ARHGAP39: variants seen among roughly 807,000 people sequenced by gnomAD.
ARHGAP39 encodes rho GTPase-activating protein 39.
Under a neutral mutation model 106.9 loss-of-function variants are expected in ARHGAP39, and 44 were observed. That is an observed-to-expected ratio of 0.41 (90% CI 0.32 to 0.53). ARHGAP39 has a LOEUF of 0.53. Among genes scored for constraint, ARHGAP39 ranks in the 20% least tolerant of loss-of-function variants. The pLI is 0.21. For missense variants in ARHGAP39, 1,496 were observed against 1,577.3 expected (o/e 0.95, Z 0.87); for synonymous variants, 768 against 693.2 (o/e 1.11, Z -1.69).
At chr8:144,649,326 T>G (rs1387443324) in intron 1 of ARHGAP39, among the ~76,000 whole-genome samples, 2 of 151,720 alleles carry the variant, frequency 1.3e-5, no homozygotes, top group Non-Finnish European at 2.9e-5. Flanking sequence ...GGCGGGCGCC[T>G]GTAGTCCCAG....
chr8:144,698,019 G>T, the ARHGAP39 span, among the ~76,000 whole-genome samples: 3 of 152,292 alleles, frequency 2.0e-5, no homozygotes, highest in East Asian at 5.8e-4. Context: ...GCTTCGCTAT[G>T]GTTTGGGTGT....
chr8:144,545,923 G>A, intron 5 of ARHGAP39, 113 bp from the exon 6 acceptor site: 1 of 900,688 alleles, frequency 1.1e-6, no homozygotes, highest in Non-Finnish European at 1.6e-6. Flanking sequence ...GAGCCAGCCA[G>A]GTGAGAGCCC....
In ARHGAP39 at chr8:144,529,336, A is replaced by C. The variant is rs1186453362; in HGVS notation, c.*1086T>G. ...GGGCTGGGGCTTTTGTTTTTAATAA[A>C]TAAAAACGGAACTCTAAAAAATATA... On this transcript the variant is annotated 3_prime_UTR_variant, in exon 12 of 12. Coordinates refer to ENST00000377307, the MANE Select transcript of ARHGAP39 (RefSeq NM_025251.3). The C allele has an allele frequency of 1.9e-5, 3 of 158,766 alleles. No homozygotes were observed. 9.8% of individuals were successfully genotyped at this position (158,766 alleles called of 1,614,324 possible). A position where few individuals can be genotyped will look rare whatever the true frequency, so the allele number is the denominator to read the frequency against.
In ARHGAP39 at chr8:144,647,379, G is replaced by A. The variant is rs910572315; in HGVS notation, c.-82+38307C>T. ...ACTGCTGTGTCAAGGTGGCATCCCT[G>A]TTCTCACCCTCACTGTGCAGAGTCC... On this transcript the variant is annotated intron_variant, in intron 1 of 11. Coordinates refer to ENST00000377307, the MANE Select transcript of ARHGAP39 (RefSeq NM_025251.3). This position sits in a 1 kb window ranked among gnomAD's most constrained non-coding sequence, Gnocchi z 4.8. Among the ~76,000 whole-genome samples, 1 of 152,162 alleles carries A rather than the reference G, an allele frequency of 6.6e-6. No homozygotes were observed. Among genetic ancestry groups the A allele is most frequent in the African/African-American group, 2.4e-5 (1 of 41,436 alleles).
chr8:144,570,517 T>A (rs1818549388), intron 3 of ARHGAP39, among the ~76,000 whole-genome samples: 1 of 152,170 alleles, frequency 6.6e-6, no homozygotes, highest in South Asian at 2.1e-4. Flanking sequence ...TAAAGAGGAT[T>A]AGACGCAACG....
the ARHGAP39 span, chr8:144,699,034 A>G: frequency 2.7e-6 from 1 of 370,656 alleles, no homozygotes. Flanking sequence ...AGGGTCCTGG[A>G]GTTCCAGGGC....
rs1821314266 is a variant in ARHGAP39 at position 144,641,574 on chromosome 8, C to T, written c.-81-35879G>A. On this transcript the variant is annotated intron_variant, in intron 1 of 11. Coordinates refer to ENST00000377307, the MANE Select transcript of ARHGAP39 (RefSeq NM_025251.3). This position sits in a 1 kb window ranked among gnomAD's most constrained non-coding sequence, Gnocchi z 5.2. ...CTCCTGCGTTCTGCCCATCACTCAC[C>T]CCAGGACTCCATCCTCCCACACCCC... Among the ~76,000 whole-genome samples the T allele has an allele frequency of 6.6e-6, 1 of 152,246 alleles. No homozygotes were observed. The highest frequency in any genetic ancestry group is 1.5e-5 in the Non-Finnish European group (1 of 68,044).
intron 1 of ARHGAP39, among the ~76,000 whole-genome samples, chr8:144,643,948 A>G (rs1586633779): frequency 6.6e-6 from 1 of 152,356 alleles, no homozygotes; most frequent in African/African-American, 2.4e-5. Context: ...AAGTCACACA[A>G]AAGTGTTGGC....
rs1460845838 is a variant in ARHGAP39, at chr8:144,604,086, G to C, written c.80+1449C>G. 6.6e-6 allele frequency among the ~76,000 whole-genome samples: 1 copy of C among 152,218 alleles called. No homozygotes were observed. The highest frequency in any genetic ancestry group is 1.5e-5 in the Non-Finnish European group (1 of 68,034). On this transcript the variant is annotated intron_variant, in intron 2 of 11. Transcript: ENST00000377307. This position sits in a 1 kb window ranked among gnomAD's most constrained non-coding sequence, Gnocchi z 4.1. Reference sequence around the variant, plus strand: ...ACTCCTGCTCAGGTCAAGGCAGAGTGCGGATCGCAACTGTGGAAGGTGCAC... The same window carrying C: ...ACTCCTGCTCAGGTCAAGGCAGAGTCCGGATCGCAACTGTGGAAGGTGCAC...
intron 6 of ARHGAP39, among the ~76,000 whole-genome samples, chr8:144,544,325 T>A (rs1817313572): frequency 6.6e-6 from 1 of 152,028 alleles, no homozygotes; most frequent in Admixed American, 6.5e-5. Flanking sequence ...GGGAGCCACC[T>A]CCTCCACACC....
intron 1 of ARHGAP39, among the ~76,000 whole-genome samples, chr8:144,623,359 C>G (rs1820852839): frequency 6.6e-6 from 1 of 152,260 alleles, no homozygotes; most frequent in African/African-American, 2.4e-5. Flanking sequence ...TGTAAATGGA[C>G]CAATAGTCTA....
chr8:144,535,431 A>G (rs1233738175), intron 7 of ARHGAP39, among the ~76,000 whole-genome samples: 1 of 152,206 alleles, frequency 6.6e-6, no homozygotes, highest in African/African-American at 2.4e-5. Context: ...GACCATGTGG[A>G]ACCAAGGGCC....
In ARHGAP39 at chr8:144,679,808, G is replaced by A. The variant is rs1352088665; in HGVS notation, c.-82+5878C>T. Among the ~76,000 whole-genome samples the A allele has an allele frequency of 1.3e-5, 2 of 152,082 alleles. No homozygotes were observed. The highest frequency in any genetic ancestry group is 2.9e-5 in the Non-Finnish European group (2 of 68,028). On this transcript the variant is annotated intron_variant, in intron 1 of 11. Transcript: ENST00000377307. The surrounding 1 kb of genome is among the most constrained non-coding windows in gnomAD (Gnocchi z 4.7). ...ATCCTGGCTAACACAGTGAAACCCC[G>A]TGTCTACTAAAAACACAAAAAATTA...
chr8:144,602,396 C>T lies in ARHGAP39; in HGVS notation c.80+3139G>A, dbSNP rs181908776. Among the ~76,000 whole-genome samples the T allele has an allele frequency of 3.6e-3, 302 of 84,288 alleles. 1 individual carries two copies. Among genetic ancestry groups the T allele is most frequent in the African/African-American group, 0.013 (280 of 22,012 alleles). The allele number at this position is 84,288 out of a possible 152,430, so 55.3% of individuals were successfully genotyped here. On this transcript the variant is annotated intron_variant, in intron 2 of 11. Coordinates refer to ENST00000377307, the MANE Select transcript of ARHGAP39 (RefSeq NM_025251.3). ...GCGAGCTCATGTACCTGTGTGTGTG[C>T]GTGGAGGCGTGTGTGTGCTTGTGTA...
the ARHGAP39 span, among the ~76,000 whole-genome samples, chr8:144,699,953 G>T: frequency 6.6e-6 from 1 of 152,148 alleles, no homozygotes; most frequent in East Asian, 1.9e-4. Context: ...TTTTCTGTGC[G>T]GGATGATTTA....
intron 3 of ARHGAP39, among the ~76,000 whole-genome samples, chr8:144,569,975 C>G (rs539280897): frequency 2.0e-5 from 3 of 152,274 alleles, no homozygotes; most frequent in African/African-American, 7.2e-5. Context: ...AATCCCAGCA[C>G]TTTGGGAAGC....
chr8:144,588,567 G>A (rs1009352388), intron 2 of ARHGAP39, among the ~76,000 whole-genome samples: 14 of 152,232 alleles, frequency 9.2e-5, no homozygotes, highest in Non-Finnish European at 4.4e-5. Flanking sequence ...TGCGGGAGGC[G>A]GGGCTCTCGC....
At position 144,585,708 on chromosome 8, in the gene ARHGAP39, G is replaced by A. The variant is rs1378766845; in HGVS notation, c.81-4431C>T. Among the ~76,000 whole-genome samples, 1 of 152,216 alleles carries A rather than the reference G, an allele frequency of 6.6e-6. No homozygotes were observed. Among genetic ancestry groups the A allele is most frequent in the Non-Finnish European group, 1.5e-5 (1 of 68,034 alleles). ...CATGGTGCCACGCGCTGCAGCCTGG[G>A]CCTCCCGAGGATGTCGCTGGTTGTG... is the stretch of plus-strand genomic sequence containing the variant. On this transcript the variant is annotated intron_variant, in intron 2 of 11. Transcript: ENST00000377307. The surrounding 1 kb of genome is among the most constrained non-coding windows in gnomAD (Gnocchi z 4.6).
In ARHGAP39 at chr8:144,657,555, C is replaced by G. The variant is rs184694874; in HGVS notation, c.-82+28131G>C. Reference sequence around the variant, plus strand: ...AGGCATTACAAAGAAAACTACAGACCAATATCCCTATGACCACAGATACAA... The same window carrying G: ...AGGCATTACAAAGAAAACTACAGACGAATATCCCTATGACCACAGATACAA... On this transcript the variant is annotated intron_variant, in intron 1 of 11. Coordinates refer to ENST00000377307, the MANE Select transcript of ARHGAP39 (RefSeq NM_025251.3). 2.4e-3 allele frequency among the ~76,000 whole-genome samples: 368 copies of G among 152,234 alleles called. 2 individuals are homozygous for G. Among genetic ancestry groups the G allele is most frequent in the African/African-American group, 7.7e-3 (318 of 41,534 alleles).
Sources: allele counts gnomAD v4.1 joint callset (sites outside exome capture counted in the v4.1 genomes callset), GRCh38; gene constraint gnomAD v4.1.1; non-coding constraint Gnocchi (gnomAD v3.1); transcripts MANE v1.5; gene names NCBI Gene and HGNC (gene_info 2026-07-23, HGNC 2026-07-21).